FAM135A: variants seen among roughly 807,000 people sequenced by gnomAD.
FAM135A encodes the protein family with sequence similarity 135 member A, also known as protein FAM135A.
In FAM135A, 79 loss-of-function variants were observed where a neutral mutation model predicts 146.8. The observed-to-expected ratio is 0.54, with a 90% CI of 0.45 to 0.65. The LOEUF is 0.65. FAM135A is among the 30% of genes least tolerant of loss of function. The pLI is 0.00. For missense variants in FAM135A, 1,623 were observed against 1,758.2 expected (o/e 0.92, Z 1.38); for synonymous variants, 562 against 603.6 (o/e 0.93, Z 1.01).
At chr6:70,453,911 C>T (rs2128049793) in intron 5 of FAM135A, among the ~76,000 whole-genome samples, 1 of 152,266 alleles carries the variant, frequency 6.6e-6, no homozygotes, top group East Asian at 1.9e-4. Context: ...GATTTATAAT[C>T]CTTTGGGTAT....
At chr6:70,523,189 G>A (rs767460801) in intron 13 of FAM135A, among the ~76,000 whole-genome samples, 1 of 152,136 alleles carries the variant, frequency 6.6e-6, no homozygotes, top group East Asian at 1.9e-4. Context: ...GGTTTTCTTG[G>A]CATTGACTTG....
chr6:70,477,173 A>T lies in FAM135A; in HGVS notation c.383A>T (p.Asn128Ile). The T allele has an allele frequency of 6.2e-7, 1 of 1,613,284 alleles. No homozygotes were observed. The highest frequency in any genetic ancestry group is 8.5e-7 in the Non-Finnish European group (1 of 1,179,546). The stretch of plus-strand genomic sequence containing the variant: ...CCTTTTTACAGGGCAGATGATCTGA[A>T]TGCCTTGCAACTAATAAGTAGCCGA... Reference protein sequence around the residue: ...TDGDYSADDLNALQLISSRTL... With the variant: ...TDGDYSADDLIALQLISSRTL... Residue 128 changes from asparagine (N) to isoleucine (I), a missense_variant, in exon 8 of 22, where the codon AAT becomes ATT. Transcript: ENST00000418814.
chr6:70,526,206 A>G lies in FAM135A; in HGVS notation c.3122A>G (p.Asn1041Ser). The G allele has an allele frequency of 6.2e-7, 1 of 1,613,348 alleles. No homozygotes were observed. The highest frequency in any genetic ancestry group is 8.5e-7 in the Non-Finnish European group (1 of 1,179,596). The change falls in exon 15 of 22, where the codon AAT (asparagine) becomes AGT (serine). Residue 1041 changes from asparagine (N) to serine (S), a missense_variant. By Grantham distance (46) the Asn-to-Ser change is conservative. Transcript: ENST00000418814. ...ATAGTAAAGCAAGGGCTTGTGGAAA[A>G]TTATTTTGGTTCTCAAAGCAGTACG... ...TDIVKQGLVE[N>S]YFGSQSSTDI... is the part of the protein sequence containing the mutation.
At chr6:70,459,819 G>T (rs1242449752) in intron 5 of FAM135A, among the ~76,000 whole-genome samples, 5 of 152,106 alleles carry the variant, frequency 3.3e-5, no homozygotes, top group African/African-American at 1.2e-4. Context: ...TACGAGGTCA[G>T]GAGTTCGAGA....
chr6:70,554,291 A>G (rs1415776946), intron 20 of FAM135A, among the ~76,000 whole-genome samples: 1 of 152,232 alleles, frequency 6.6e-6, no homozygotes, highest in Non-Finnish European at 1.5e-5. Context: ...TACTTGGAGA[A>G]GATATACTGG....
chr6:70,463,893 G>C (rs1779884687), intron 5 of FAM135A, among the ~76,000 whole-genome samples: 1 of 152,124 alleles, frequency 6.6e-6, no homozygotes. Flanking sequence ...CCCTTTAATT[G>C]TCTTTTTACC....
intron 16 of FAM135A, among the ~76,000 whole-genome samples, chr6:70,532,045 G>A (rs1437436727): frequency 1.3e-5 from 2 of 151,524 alleles, no homozygotes; most frequent in Non-Finnish European, 2.9e-5. Context: ...ACCACACACG[G>A]CTAATTTTTT....
At position 70,561,056 on chromosome 6, in the gene FAM135A, TGACA is replaced by T. The variant is rs543801242; in HGVS notation, c.*1142_*1145del. On this transcript the variant is annotated 3_prime_UTR_variant, in exon 22 of 22. Transcript: ENST00000418814. Reference sequence around the variant, plus strand: ...AAGTTCTGTTTGCACTCACTAATTGTGACAGACAGAGGTTTTTGTAAGTATTTAT... The same window carrying T: ...AAGTTCTGTTTGCACTCACTAATTGTGACAGAGGTTTTTGTAAGTATTTAT... 2 of 152,578 alleles carry T rather than the reference TGACA, an allele frequency of 1.3e-5. No homozygotes were observed. Among genetic ancestry groups the T allele is most frequent in the African/African-American group, 2.4e-5 (1 of 41,448 alleles). The allele number at this position is 152,578 out of a possible 1,614,324, so 9.5% of individuals were successfully genotyped here. A position where few individuals can be genotyped will look rare whatever the true frequency, so the allele number is the denominator to read the frequency against.
chr6:70,515,246 GC>G (rs1791927972), intron 12 of FAM135A, among the ~76,000 whole-genome samples: 1 of 152,092 alleles, frequency 6.6e-6, no homozygotes, highest in South Asian at 2.1e-4. Flanking sequence ...ATATAATCCA[GC>G]TATCACACCG....
At chr6:70,486,077 A>T (rs1170519402) in intron 10 of FAM135A, 6 of 994,576 alleles carry the variant, frequency 6.0e-6, no homozygotes, top group Admixed American at 2.1e-5. Context: ...GATCAACACT[A>T]AGTCTATTAT....
intron 2 of FAM135A, chr6:70,417,565 C>T: frequency 1.0e-6 from 1 of 972,398 alleles, no homozygotes; most frequent in South Asian, 4.8e-5. Flanking sequence ...TGCTACTGGT[C>T]TTAATTTAAC....
chr6:70,525,380 A>G lies in FAM135A; in HGVS notation c.2296A>G (p.Arg766Gly), dbSNP rs1381195646. The change falls in exon 15 of 22, where the codon AGA becomes GGA. Residue 766 changes from arginine to glycine, a missense_variant. By Grantham distance (125) the Arg-to-Gly change is moderately radical. Coordinates refer to ENST00000418814, the MANE Select transcript of FAM135A (RefSeq NM_001162529.3). ...PDISATYASS[R>G]FSDSGVESEP... is the part of the protein sequence containing the mutation. ...TATTAGTGCCACATATGCCTCATCT[A>G]GATTTTCAGATTCAGGTGTTGAAAG... The G allele has an allele frequency of 6.2e-7, 1 of 1,613,786 alleles. No individual in the cohort carries two copies. Among genetic ancestry groups the G allele is most frequent in the Non-Finnish European group, 8.5e-7 (1 of 1,179,714 alleles).
At chr6:70,519,805 C>T (rs1793142759) in intron 12 of FAM135A, among the ~76,000 whole-genome samples, 1 of 152,160 alleles carries the variant, frequency 6.6e-6, no homozygotes, top group African/African-American at 2.4e-5. Flanking sequence ...ATTCATGTGA[C>T]TTGCTTTATT....
intron 4 of FAM135A, among the ~76,000 whole-genome samples, chr6:70,432,975 T>C (rs761299828): frequency 2.6e-4 from 40 of 152,078 alleles, no homozygotes; most frequent in Non-Finnish European, 5.0e-4. Flanking sequence ...TAAAAACTTA[T>C]ACAGTTTATA....
chr6:70,458,915 A>G (rs1214977538), intron 5 of FAM135A, among the ~76,000 whole-genome samples: 1 of 152,198 alleles, frequency 6.6e-6, no homozygotes, highest in Non-Finnish European at 1.5e-5. Context: ...GAGTTCTTAC[A>G]GTGTGTATCT....
chr6:70,448,131 G>T lies in FAM135A; in HGVS notation c.78-4361G>T, dbSNP rs149935967. 9.3e-3 allele frequency among the ~76,000 whole-genome samples: 1,414 copies of T among 152,198 alleles called. 10 individuals are homozygous for T. Among genetic ancestry groups the T allele is most frequent in the Non-Finnish European group, 0.016 (1,120 of 68,016 alleles). ...AAAACTAAGAGCGGTTATTCAAGGC[G>T]CTGCTTGAACAGTCACTGAGGCAAC... On this transcript the variant is annotated intron_variant, in intron 4 of 21. Transcript: ENST00000418814.
At chr6:70,557,338 T>C (rs1411122880) in intron 21 of FAM135A, 2 of 166,888 alleles carry the variant, frequency 1.2e-5, no homozygotes, top group African/African-American at 4.8e-5. Flanking sequence ...TTACTCATTT[T>C]ATAACTAAAG....
At chr6:70,554,627 T>C (rs1386264294) in intron 20 of FAM135A, among the ~76,000 whole-genome samples, 5 of 151,942 alleles carry the variant, frequency 3.3e-5, no homozygotes, top group Non-Finnish European at 5.9e-5. Context: ...TTTGGGGGGT[T>C]TTTTTGGTTT....
In FAM135A at chr6:70,556,730, T is replaced by G; in HGVS notation, c.4229-20T>G. 1 of 1,484,574 alleles carries G rather than the reference T, an allele frequency of 6.7e-7. No individual in the cohort carries two copies. The highest frequency in any genetic ancestry group is 1.3e-5 in the South Asian group (1 of 77,454). The allele number at this position is 1,484,574 out of a possible 1,614,324, so 92.0% of individuals were successfully genotyped here. ...ATCTAGTTAACTACTGCATTATAATTTATTATATTCTATTCACAGGGCTTC... is the reference window on the plus strand; with the variant it reads ...ATCTAGTTAACTACTGCATTATAATGTATTATATTCTATTCACAGGGCTTC... On this transcript the variant is annotated intron_variant, in intron 20 of 21. Transcript: ENST00000418814.
Sources: gnomAD v4.1 joint callset for allele counts (sites outside exome capture counted in the v4.1 genomes callset) on GRCh38, gnomAD v4.1.1 for gene constraint, MANE v1.5 for transcripts, NCBI Gene and HGNC (gene_info 2026-07-23, HGNC 2026-07-21) for gene names.